The following MAPKAP1 variants were observed in gnomAD, a reference collection of about 807,000 sequenced individuals.
MAPKAP1 encodes target of rapamycin complex 2 subunit MAPKAP1.
A neutral mutation model predicts 65.7 loss-of-function variants in MAPKAP1; 20 were observed. The ratio of observed to expected loss-of-function variants is 0.30; its 90% CI spans 0.21 to 0.44. The LOEUF is 0.44. MAPKAP1 is among the 20% of genes least tolerant of loss of function. The pLI, the probability that MAPKAP1 is intolerant of heterozygous loss-of-function variation, is 1.00. For synonymous variants in MAPKAP1, 222 were observed against 244.3 expected (o/e 0.91, Z 0.85); for missense variants, 423 against 648.0 (o/e 0.65, Z 3.77).
intron 1 of MAPKAP1, among the ~76,000 whole-genome samples, chr9:125,702,431 G>A (rs1377999477): frequency 6.6e-6 from 1 of 152,172 alleles, no homozygotes; most frequent in Non-Finnish European, 1.5e-5. Flanking sequence ...CTACTCAGGA[G>A]GCTGAGGCAG....
chr9:125,698,293 ATATATATAT>A (rs1835468101), intron 1 of MAPKAP1, among the ~76,000 whole-genome samples: 1 of 3,838 alleles, frequency 2.6e-4, no homozygotes, highest in African/African-American at 1.2e-3. Flanking sequence ...ATATAAATAT[ATATATATAT>A]ATATATATAT....
At chr9:125,559,347 C>T (rs1170716656) in intron 6 of MAPKAP1, 2 of 234,618 alleles carry the variant, frequency 8.5e-6, no homozygotes, top group Non-Finnish European at 1.6e-5. Flanking sequence ...TTTTGCTTCA[C>T]AGGCTCCCAG....
At chr9:125,668,860 A>G (rs895468873) in intron 3 of MAPKAP1, among the ~76,000 whole-genome samples, 5 of 152,264 alleles carry the variant, frequency 3.3e-5, no homozygotes, top group African/African-American at 9.6e-5. Flanking sequence ...GGAACTGCCA[A>G]GAGAAATCTG....
At chr9:125,586,149 T>G (rs1364897789) in intron 4 of MAPKAP1, among the ~76,000 whole-genome samples, 1 of 152,144 alleles carries the variant, frequency 6.6e-6, no homozygotes, top group Non-Finnish European at 1.5e-5. Flanking sequence ...CAGGAAGGAT[T>G]TAGGCCCGCA....
chr9:125,657,536 T>C, intron 4 of MAPKAP1, 115 bp downstream of exon 4: 2 of 945,478 alleles, frequency 2.1e-6, no homozygotes, highest in Non-Finnish European at 3.1e-6. Flanking sequence ...ATTCTATAAC[T>C]GTCAACTGAT....
At chr9:125,586,653 C>T (rs1831796426) in intron 4 of MAPKAP1, among the ~76,000 whole-genome samples, 1 of 152,130 alleles carries the variant, frequency 6.6e-6, no homozygotes, top group Non-Finnish European at 1.5e-5. Flanking sequence ...ATGACACCAT[C>T]CTCTCTCCCT....
intron 4 of MAPKAP1, among the ~76,000 whole-genome samples, chr9:125,644,044 C>A (rs1273769480): frequency 6.6e-6 from 1 of 152,088 alleles, no homozygotes; most frequent in Non-Finnish European, 1.5e-5. Context: ...AATTAGAGCT[C>A]CAATTAAAAA....
intron 10 of MAPKAP1, among the ~76,000 whole-genome samples, chr9:125,464,591 G>A (rs1245595757): frequency 1.3e-5 from 2 of 151,988 alleles, no homozygotes; most frequent in South Asian, 4.2e-4. Flanking sequence ...TATCTATTTA[G>A]CCATTAAGTT....
intron 11 of MAPKAP1, among the ~76,000 whole-genome samples, chr9:125,443,692 G>GCCAGCCCCCCCAGCCCCC (rs1436921611): frequency 1.5e-5 from 1 of 68,894 alleles, no homozygotes; most frequent in African/African-American, 5.9e-5. Context: ...CGCCAGCCCC[G>GCCAGCCCCCCCAGCCCCC]CCAGCTCCCC....
intron 10 of MAPKAP1, among the ~76,000 whole-genome samples, chr9:125,463,750 G>C (rs1208693352): frequency 1.3e-5 from 2 of 152,188 alleles, no homozygotes; most frequent in African/African-American, 4.8e-5. Context: ...AATGTAATCA[G>C]GTTACCTCTA....
At chr9:125,494,665 T>C (rs958539207) in intron 8 of MAPKAP1, among the ~76,000 whole-genome samples, 1 of 152,200 alleles carries the variant, frequency 6.6e-6, no homozygotes, top group African/African-American at 2.4e-5. Context: ...CTCTCCCTCA[T>C]TCCATTCCAT....
intron 4 of MAPKAP1, among the ~76,000 whole-genome samples, chr9:125,640,433 C>A (rs1833544837): frequency 6.6e-6 from 1 of 152,198 alleles, no homozygotes; most frequent in South Asian, 2.1e-4. Context: ...TCTGAACTGG[C>A]TCCTTGAGGG....
At chr9:125,525,644 G>C (rs895187161) in intron 7 of MAPKAP1, among the ~76,000 whole-genome samples, 11 of 151,610 alleles carry the variant, frequency 7.3e-5, no homozygotes, top group African/African-American at 2.7e-4. Context: ...TTGCACTCCA[G>C]CCTGGGCAAC....
At chr9:125,481,545 C>A (rs990489507) in intron 9 of MAPKAP1, among the ~76,000 whole-genome samples, 1 of 152,036 alleles carries the variant, frequency 6.6e-6, no homozygotes, top group Non-Finnish European at 1.5e-5. Context: ...ATCGCAGCCT[C>A]CTGAGTAGCT....
intron 4 of MAPKAP1, among the ~76,000 whole-genome samples, chr9:125,636,541 A>T (rs1302973561): frequency 6.6e-6 from 1 of 152,260 alleles, no homozygotes; most frequent in Non-Finnish European, 1.5e-5. Flanking sequence ...TAATAGTGCC[A>T]GAACAATCAC....
At chr9:125,502,314 C>T (rs1829007698) in intron 8 of MAPKAP1, among the ~76,000 whole-genome samples, 1 of 152,078 alleles carries the variant, frequency 6.6e-6, no homozygotes, top group Non-Finnish European at 1.5e-5. Context: ...TTTGGCCAGG[C>T]TGGTCTCGAA....
intron 1 of MAPKAP1, among the ~76,000 whole-genome samples, chr9:125,701,084 G>C (rs1003902151): frequency 1.3e-5 from 2 of 152,290 alleles, no homozygotes; most frequent in South Asian, 4.1e-4. Context: ...ATCTCCACTG[G>C]AGTCTGCCAG....
chr9:125,601,127 G>A (rs1338664904), intron 4 of MAPKAP1, among the ~76,000 whole-genome samples: 35 of 151,570 alleles, frequency 2.3e-4, no homozygotes, highest in Non-Finnish European at 1.3e-4. Flanking sequence ...AATGGAGAAT[G>A]TATATTTGAC....
intron 3 of MAPKAP1, among the ~76,000 whole-genome samples, chr9:125,668,037 T>C (rs1280262081): frequency 6.6e-6 from 1 of 152,112 alleles, no homozygotes; most frequent in East Asian, 1.9e-4. Flanking sequence ...CAAGTCAGAA[T>C]GAGATATAAG....
Sources: gnomAD v4.1 joint callset for allele counts (sites outside exome capture counted in the v4.1 genomes callset) on GRCh38, gnomAD v4.1.1 for gene constraint, MANE v1.5 for transcripts, NCBI Gene and HGNC (gene_info 2026-07-23, HGNC 2026-07-21) for gene names.